C16orf87: variants seen among roughly 807,000 people sequenced by gnomAD.
The protein encoded by C16orf87 is UPF0547 protein C16orf87.
Under a neutral mutation model 21.0 loss-of-function variants are expected in C16orf87, and 13 were observed. The observed-to-expected ratio is 0.62, with a 90% confidence interval of 0.40 to 0.98. C16orf87 has a LOEUF of 0.98. Among genes scored for constraint, C16orf87 ranks in the 50% least tolerant of loss-of-function variants. The probability of loss-of-function intolerance (pLI) is 0.00; values close to 1 mark genes in which losing one functional copy is unlikely to be tolerated. For missense variants in C16orf87, 113 were observed against 180.4 expected, an observed-to-expected ratio of 0.63 and a Z score of 2.14; for synonymous variants, 49 against 60.2, an observed-to-expected ratio of 0.81 and a Z score of 0.86.
In C16orf87 at chr16:46,824,392, A is replaced by G; in HGVS notation, c.157T>C (p.Ser53Pro). 2 of 1,399,100 alleles carry G rather than the reference A, an allele frequency of 1.4e-6. No homozygotes were observed. The highest frequency in any genetic ancestry group is 2.0e-6 in the Non-Finnish European group (2 of 996,386). The allele number at this position is 1,399,100 out of a possible 1,614,324, so 86.7% of individuals were successfully genotyped here. ...NAKHSEKSPP[S>P]TENKHEAKRR... ...GTATTAAACTCACAGTTACCTGTAG[A>G]AGGTGGTGATTTCTCTGAGTGTTTT... Residue 53 changes from serine (S) to proline (P), a missense_variant, in exon 2 of 4, where the codon TCT (serine) becomes CCT (proline). Coordinates refer to ENST00000285697, the MANE Select transcript of C16orf87 (RefSeq NM_001001436.4).
intron 2 of C16orf87, among the ~76,000 whole-genome samples, chr16:46,812,407 T>C (rs1386285427): frequency 6.6e-6 from 1 of 152,200 alleles, no homozygotes; most frequent in Non-Finnish European, 1.5e-5. Context: ...ATTTTTTATG[T>C]TATAATGGCA....
At chr16:46,805,241 T>C (rs1363767732) in intron 3 of C16orf87, among the ~76,000 whole-genome samples, 4 of 152,212 alleles carry the variant, frequency 2.6e-5, no homozygotes, top group Admixed American at 2.6e-4. Flanking sequence ...ACTTTAATTA[T>C]TTACAGATGT....
At chr16:46,819,373 CT>C (rs1479938047) in intron 2 of C16orf87, among the ~76,000 whole-genome samples, 5 of 151,990 alleles carry the variant, frequency 3.3e-5, no homozygotes, top group African/African-American at 1.2e-4. Context: ...GGTGTGAGAC[CT>C]TGTGCCCAGC....
At position 46,802,157 on chromosome 16, in the gene C16orf87, G is replaced by A. The variant is rs1967796878; in HGVS notation, c.*795C>T. On this transcript the variant is annotated 3_prime_UTR_variant, in exon 4 of 4. Transcript: ENST00000285697. ...AGATAAAACATTACTGCTTAAAAGT[G>A]GCTAAGAAATATTTTGCATGTAATA... The A allele has an allele frequency of 6.6e-6, 1 of 151,174 alleles. No homozygotes were observed. Among genetic ancestry groups the A allele is most frequent in the Non-Finnish European group, 1.5e-5 (1 of 67,816 alleles). The allele number at this position is 151,174 out of a possible 1,614,324, so 9.4% of individuals were successfully genotyped here. A position where few individuals can be genotyped will look rare whatever the true frequency, so the allele number is the denominator to read the frequency against.
At chr16:46,807,755 A>T (rs551627400) in intron 3 of C16orf87, among the ~76,000 whole-genome samples, 3 of 152,386 alleles carry the variant, frequency 2.0e-5, no homozygotes, top group Admixed American at 2.0e-4. Flanking sequence ...AAAAAAAAGC[A>T]TATCTTACTC....
At chr16:46,826,648 T>C (rs1000977863) in intron 1 of C16orf87, among the ~76,000 whole-genome samples, 1 of 152,178 alleles carries the variant, frequency 6.6e-6, no homozygotes, top group African/African-American at 2.4e-5. Flanking sequence ...GTTAAGAATG[T>C]AATGAGATCC....
chr16:46,813,478 TA>T (rs35686982), intron 2 of C16orf87, among the ~76,000 whole-genome samples: 13,266 of 137,432 alleles, frequency 0.097, 652 homozygotes, highest in South Asian at 0.14. Flanking sequence ...AATATTATCT[TA>T]AAAAAAAAAA....
Position 46,801,955 on chromosome 16 carries a change from T to G in C16orf87, c.*997A>C, listed in dbSNP as rs1967791504. The stretch of plus-strand genomic sequence containing the variant: ...TTAATATAAATCAACTATAAACGAT[T>G]ATGACTTAACACTAGAAAAATTAAG... On this transcript the variant is annotated 3_prime_UTR_variant, in exon 4 of 4. Coordinates refer to ENST00000285697, the MANE Select transcript of C16orf87 (RefSeq NM_001001436.4). The G allele has an allele frequency of 6.6e-6, 1 of 152,196 alleles. No homozygotes were observed. The highest frequency in any genetic ancestry group is 2.1e-4 in the South Asian group (1 of 4,834). 9.4% of individuals were successfully genotyped at this position (152,196 alleles called of 1,614,324 possible).
At position 46,812,518 on chromosome 16, in the gene C16orf87, T is replaced by C. The variant is rs960379394; in HGVS notation, c.164-2733A>G. On this transcript the variant is annotated intron_variant, in intron 2 of 3. Coordinates refer to ENST00000285697, the MANE Select transcript of C16orf87 (RefSeq NM_001001436.4). Reference sequence around the variant, plus strand: ...CTTCAAAATGATGCAAAGGAAGAGGTAGACAGGATTGTGGATGGGGCAGGG... The same window carrying C: ...CTTCAAAATGATGCAAAGGAAGAGGCAGACAGGATTGTGGATGGGGCAGGG... Among the ~76,000 whole-genome samples the C allele has an allele frequency of 1.3e-4, 20 of 152,262 alleles. No individual in the cohort carries two copies. In the East Asian group the frequency reaches 2.1e-3, roughly 16 times the overall value.
intron 3 of C16orf87, among the ~76,000 whole-genome samples, chr16:46,804,841 T>G (rs1343820098): frequency 2.6e-5 from 4 of 152,242 alleles, no homozygotes; most frequent in African/African-American, 9.6e-5. Context: ...AAACTTCATA[T>G]AAATGGCATC....
At chr16:46,821,696 T>G (rs1959420525) in intron 2 of C16orf87, among the ~76,000 whole-genome samples, 1 of 152,232 alleles carries the variant, frequency 6.6e-6, no homozygotes, top group Non-Finnish European at 1.5e-5. Context: ...TCTGTAAAAT[T>G]GGTGTCTGTC....
chr16:46,830,351 G>A (rs1959806517), intron 1 of C16orf87, among the ~76,000 whole-genome samples: 1 of 141,764 alleles, frequency 7.1e-6, no homozygotes, highest in African/African-American at 2.6e-5. Context: ...AGATCTGGAA[G>A]CAGACAGGCC....
At chr16:46,822,528 G>A (rs1258924973) in intron 2 of C16orf87, among the ~76,000 whole-genome samples, 1 of 152,138 alleles carries the variant, frequency 6.6e-6, no homozygotes, top group East Asian at 1.9e-4. Context: ...CCGCCTTTAA[G>A]AACCAGTGAA....
chr16:46,805,351 T>C (rs1967897649), intron 3 of C16orf87, among the ~76,000 whole-genome samples: 1 of 152,184 alleles, frequency 6.6e-6, no homozygotes, highest in African/African-American at 2.4e-5. Context: ...TTCAATTTTA[T>C]CTTTAAGCCT....
rs1292192626 is a variant in C16orf87 at position 46,830,233 on chromosome 16, CGAGATAGA to C, written c.66+843_66+850del. ...AAGGAATCGTTTCAAATTCAAGAAA[CGAGATAGA>C]GAGATAGAGAGATAGAGAGAGACAG... On this transcript the variant is annotated intron_variant, in intron 1 of 3. Transcript: ENST00000285697. Among the ~76,000 whole-genome samples, 109 of 100,134 alleles carry C rather than the reference CGAGATAGA, an allele frequency of 1.1e-3. 1 individual carries two copies. Among genetic ancestry groups the C allele is most frequent in the African/African-American group, 3.6e-3 (99 of 27,182 alleles). 65.7% of individuals were successfully genotyped at this position (100,134 alleles called of 152,430 possible). A position where few individuals can be genotyped will look rare whatever the true frequency, so the allele number is the denominator to read the frequency against.
At chr16:46,818,014 G>T (rs1295587079) in intron 2 of C16orf87, among the ~76,000 whole-genome samples, 1 of 150,998 alleles carries the variant, frequency 6.6e-6, no homozygotes, top group Non-Finnish European at 1.5e-5. Context: ...AGCATGTAAG[G>T]GAAGATGCTT....
At chr16:46,820,096 C>T (rs964984897) in intron 2 of C16orf87, among the ~76,000 whole-genome samples, 2 of 152,252 alleles carry the variant, frequency 1.3e-5, no homozygotes, top group South Asian at 2.1e-4. Flanking sequence ...CTGCATGTTA[C>T]GAAGGTATAA....
At chr16:46,822,949 T>C (rs796451823) in intron 2 of C16orf87, among the ~76,000 whole-genome samples, 30 of 152,340 alleles carry the variant, frequency 2.0e-4, no homozygotes, top group African/African-American at 6.7e-4. Flanking sequence ...TGAACTCATC[T>C]TCCACTCTTC....
At chr16:46,823,824 A>G (rs776644153) in intron 2 of C16orf87, among the ~76,000 whole-genome samples, 1 of 152,230 alleles carries the variant, frequency 6.6e-6, no homozygotes, top group Non-Finnish European at 1.5e-5. Context: ...AATTACACTC[A>G]GTGAAAGAAG....
Sources: allele counts gnomAD v4.1 joint callset (sites outside exome capture counted in the v4.1 genomes callset), GRCh38; gene constraint gnomAD v4.1.1; transcripts MANE v1.5; gene names NCBI Gene and HGNC (gene_info 2026-07-23, HGNC 2026-07-21).